The following EFCAB6 variants were observed in gnomAD, a reference collection of about 807,000 sequenced individuals.
EFCAB6 encodes the protein EF-hand calcium binding domain 6, also known as EF-hand calcium-binding domain-containing protein 6.
EFCAB6 carries 156 observed loss-of-function variants against 169.8 expected under a neutral mutation model. The ratio of observed to expected loss-of-function variants is 0.92; its 90% CI spans 0.81 to 1.05. The LOEUF is 1.05. EFCAB6 is among the 50% of genes least tolerant of loss of function. The pLI, the probability that EFCAB6 is intolerant of heterozygous loss-of-function variation, is 0.00. For missense variants in EFCAB6, 1,800 were observed against 1,829.1 expected (o/e 0.98, Z 0.29); for synonymous variants, 698 against 676.4 (o/e 1.03, Z -0.50).
chr22:43,671,730 T>A (rs1011401681), intron 15 of EFCAB6, among the ~76,000 whole-genome samples: 1 of 152,166 alleles, frequency 6.6e-6, no homozygotes, highest in African/African-American at 2.4e-5. Context: ...TCTCCAGACC[T>A]CTGTTTCTTT....
intron 27 of EFCAB6, chr22:43,552,606 C>T (rs2048444649): frequency 6.6e-6 from 1 of 152,108 alleles, no homozygotes; most frequent in African/African-American, 2.4e-5. Flanking sequence ...ATGTAAGAGA[C>T]ACGTCAGCTT....
intron 10 of EFCAB6, among the ~76,000 whole-genome samples, chr22:43,691,134 A>G (rs1014482524): frequency 4.6e-5 from 7 of 152,272 alleles, no homozygotes; most frequent in African/African-American, 1.7e-4. Context: ...TTTGTTAGGC[A>G]CACATGGCCA....
intron 12 of EFCAB6, among the ~76,000 whole-genome samples, chr22:43,682,116 A>T (rs533362917): frequency 1.6e-4 from 25 of 151,946 alleles, no homozygotes; most frequent in African/African-American, 5.3e-4. Flanking sequence ...TCTCCTTCTT[A>T]CCTAGTCCCC....
At chr22:43,549,323 C>T (rs983663640) in intron 27 of EFCAB6, among the ~76,000 whole-genome samples, 4 of 151,698 alleles carry the variant, frequency 2.6e-5, no homozygotes, top group African/African-American at 4.8e-5. Context: ...CAAGATTAAG[C>T]CAGGAGAAAA....
chr22:43,670,206 C>T lies in EFCAB6; in HGVS notation c.1641-1161G>A, dbSNP rs541012892. 4.5e-4 allele frequency among the ~76,000 whole-genome samples: 68 copies of T among 152,306 alleles called. 1 individual carries two copies. Among genetic ancestry groups the T allele is most frequent in the African/African-American group, 1.5e-3 (64 of 41,554 alleles). ...TTTTCCCTGAGCCTATATGAAAGCA[C>T]AGCAAGTACACTTGTTTCTGCAATG... On this transcript the variant is annotated intron_variant, in intron 15 of 31. Transcript: ENST00000262726.
At chr22:43,563,930 G>A (rs1349179998) in intron 26 of EFCAB6, among the ~76,000 whole-genome samples, 1 of 152,240 alleles carries the variant, frequency 6.6e-6, no homozygotes, top group Non-Finnish European at 1.5e-5. Flanking sequence ...GCTGCGGTGA[G>A]CTCTGGGCAG....
intron 21 of EFCAB6, 102 bp downstream of exon 21, chr22:43,615,724 T>C (rs921523845): frequency 2.0e-6 from 2 of 982,218 alleles, no homozygotes; most frequent in African/African-American, 3.3e-5. Flanking sequence ...CAGAGTTGTT[T>C]TCCCATCTTA....
intron 13 of EFCAB6, among the ~76,000 whole-genome samples, chr22:43,675,447 GTATAA>G (rs1316381554): frequency 2.4e-4 from 25 of 102,584 alleles, no homozygotes; most frequent in South Asian, 1.5e-3. Context: ...TTATAATATA[GTATAA>G]TATATGATAT....
intron 17 of EFCAB6, among the ~76,000 whole-genome samples, chr22:43,650,583 T>C (rs2056419215): frequency 6.6e-6 from 1 of 152,200 alleles, no homozygotes. Flanking sequence ...GCTGAAAAGA[T>C]ACCTGAAAAT....
chr22:43,736,129 CAAAA>C, intron 6 of EFCAB6, 136 bp from the exon 7 acceptor site: 3 of 780,418 alleles, frequency 3.8e-6, no homozygotes, highest in Non-Finnish European at 5.5e-6. Context: ...GTAGGCATGG[CAAAA>C]ATGACATGTC....
At chr22:43,764,550 T>C (rs1361257806) in intron 5 of EFCAB6, among the ~76,000 whole-genome samples, 3 of 152,216 alleles carry the variant, frequency 2.0e-5, no homozygotes, top group African/African-American at 4.8e-5. Context: ...CCTTTGGGTA[T>C]ATACCTAGTA....
At chr22:43,650,288 G>A (rs118098187) in intron 17 of EFCAB6, among the ~76,000 whole-genome samples, 5,063 of 152,202 alleles carry the variant, frequency 0.033, 155 homozygotes, top group Admixed American at 0.088. Flanking sequence ...AGTCTTTCCC[G>A]TGCTGTTCTC....
chr22:43,537,269 C>A lies in EFCAB6; in HGVS notation c.4048+108G>T. On this transcript the variant is annotated intron_variant, in intron 29 of 31. Transcript: ENST00000262726. The surrounding 1 kb of genome is among the most constrained non-coding windows in gnomAD (Gnocchi z 4.3). ...CAGAAGTTCCCACCAGTTTCCTGTT[C>A]TGCTGCTCCCTGGCCTCCACCCGGG... 7.2e-7 allele frequency: 1 copy of A among 1,394,376 alleles called. No homozygotes were observed. Among genetic ancestry groups the A allele is most frequent in the African/African-American group, 1.4e-5 (1 of 69,522 alleles). The allele number at this position is 1,394,376 out of a possible 1,614,324, so 86.4% of individuals were successfully genotyped here.
intron 6 of EFCAB6, among the ~76,000 whole-genome samples, chr22:43,751,150 T>C (rs2060745265): frequency 6.6e-6 from 1 of 152,262 alleles, no homozygotes; most frequent in African/African-American, 2.4e-5. Flanking sequence ...TGTACTTCTT[T>C]AACTGAATAT....
intron 2 of EFCAB6, among the ~76,000 whole-genome samples, chr22:43,784,660 T>C (rs1426189946): frequency 1.4e-4 from 12 of 86,692 alleles, no homozygotes; most frequent in Admixed American, 1.4e-3. Flanking sequence ...TATGTGTATA[T>C]ATACATATAC....
intron 27 of EFCAB6, among the ~76,000 whole-genome samples, chr22:43,551,241 C>T (rs1241356925): frequency 1.3e-5 from 2 of 152,190 alleles, no homozygotes; most frequent in African/African-American, 4.8e-5. Flanking sequence ...AGGTCCCCAG[C>T]AAAGTAACTC....
chr22:43,779,171 T>G (rs2061733150), intron 3 of EFCAB6, among the ~76,000 whole-genome samples: 1 of 152,196 alleles, frequency 6.6e-6, no homozygotes, highest in African/African-American at 2.4e-5. Flanking sequence ...AATTCACTTG[T>G]TTTGCTTAGT....
At chr22:43,670,666 A>G (rs2057450501) in intron 15 of EFCAB6, among the ~76,000 whole-genome samples, 1 of 152,222 alleles carries the variant, frequency 6.6e-6, no homozygotes, top group Admixed American at 6.5e-5. Flanking sequence ...TCATGTGGCT[A>G]CGTATGAAGC....
intron 10 of EFCAB6, among the ~76,000 whole-genome samples, chr22:43,710,254 TG>T (rs35851022): frequency 1.3e-5 from 2 of 152,284 alleles, no homozygotes; most frequent in East Asian, 3.9e-4. Context: ...AAGAACAACC[TG>T]GAACGTTTGT....
Sources: allele counts gnomAD v4.1 joint callset (sites outside exome capture counted in the v4.1 genomes callset), GRCh38; gene constraint gnomAD v4.1.1; non-coding constraint Gnocchi (gnomAD v3.1); transcripts MANE v1.5; gene names NCBI Gene and HGNC (gene_info 2026-07-23, HGNC 2026-07-21).